The following GORASP1 variants were observed in gnomAD, a reference collection of about 807,000 sequenced individuals.
GORASP1 encodes golgi reassembly stacking protein 1.
A neutral mutation model predicts 37.7 loss-of-function variants in GORASP1; 31 were observed. The ratio of observed to expected loss-of-function variants is 0.82; its 90% confidence interval spans 0.62 to 1.11. The LOEUF is 1.11. Ranked by LOEUF, GORASP1 falls within the 50% of genes least tolerant of loss-of-function variation. The probability of loss-of-function intolerance (pLI) is 0.00; values close to 1 mark genes in which losing one functional copy is unlikely to be tolerated. For synonymous variants in GORASP1, 204 were observed against 224.8 expected (o/e 0.91, Z 0.83); for missense variants, 476 against 560.7 (o/e 0.85, Z 1.53).
At chr3:39,104,167 G>A (rs1371005065) in intron 1 of GORASP1, among the ~76,000 whole-genome samples, 1 of 152,190 alleles carries the variant, frequency 6.6e-6, no homozygotes, top group Non-Finnish European at 1.5e-5. Context: ...GGAGCCCAGT[G>A]AGTGGGCAGT....
chr3:39,107,452 G>A (rs2125719289), intron 1 of GORASP1, 27 bp downstream of exon 1: 1 of 1,315,498 alleles, frequency 7.6e-7, no homozygotes, highest in Non-Finnish European at 9.6e-7. Context: ...CCTCGCCAAG[G>A]TCACCGGCGC....
chr3:39,100,744 T>C lies in GORASP1; in HGVS notation c.566+3A>G, dbSNP rs1382402483. The C allele has an allele frequency of 6.2e-7, 1 of 1,613,294 alleles. No homozygotes were observed. Among genetic ancestry groups the C allele is most frequent in the Non-Finnish European group, 8.5e-7 (1 of 1,179,930 alleles). On this transcript the variant is annotated splice_donor_region_variant and intron_variant, in intron 5 of 8. Coordinates refer to ENST00000319283, the MANE Select transcript of GORASP1 (RefSeq NM_031899.4). The surrounding 1 kb of genome is among the most constrained non-coding windows in gnomAD (Gnocchi z 4.6). ...CCTGCAGCCCTCCAACCCCACGAAG[T>C]ACCTGCCCTCTCCACCCCAGGCTGC...
intron 1 of GORASP1, chr3:39,107,051 G>A (rs1396242790): frequency 6.5e-6 from 3 of 461,130 alleles, no homozygotes; most frequent in African/African-American, 4.0e-5. Context: ...GGTTAACCCC[G>A]GCCCCCGGGA....
chr3:39,105,769 T>A lies in GORASP1; in HGVS notation c.63+1710A>T, dbSNP rs1035055729. On this transcript the variant is annotated intron_variant, in intron 1 of 8. Coordinates refer to ENST00000319283, the MANE Select transcript of GORASP1 (RefSeq NM_031899.4). This position sits in a 1 kb window ranked among gnomAD's most constrained non-coding sequence, Gnocchi z 5.4. ...TTACATCTCAGAATAAAATCTTAAATCTTCAGGACAACAGGCAAGGTCCTA... is the reference window on the plus strand; with the variant it reads ...TTACATCTCAGAATAAAATCTTAAAACTTCAGGACAACAGGCAAGGTCCTA... 1.3e-5 allele frequency among the ~76,000 whole-genome samples: 2 copies of A among 152,266 alleles called. No individual in the cohort carries two copies. The highest frequency in any genetic ancestry group is 3.9e-4 in the East Asian group (2 of 5,174).
Position 39,100,609 on chromosome 3 carries a change from C to A in GORASP1, c.567-106G>T. 1 of 1,478,750 alleles carries A rather than the reference C, an allele frequency of 6.8e-7. No homozygotes were observed. Among genetic ancestry groups the A allele is most frequent in the Non-Finnish European group, 9.1e-7 (1 of 1,097,188 alleles). The allele number at this position is 1,478,750 out of a possible 1,614,324, so 91.6% of individuals were successfully genotyped here. A position where few individuals can be genotyped will look rare whatever the true frequency, so the allele number is the denominator to read the frequency against. On this transcript the variant is annotated intron_variant, in intron 5 of 8. Transcript: ENST00000319283. This position sits in a 1 kb window ranked among gnomAD's most constrained non-coding sequence, Gnocchi z 4.6. ...AATAAGGGGGCTGAAAAGGGTACTT[C>A]TGAAATACCGGTCAGCCTCAGGATC...
intron 7 of GORASP1, 50 bp downstream of exon 7, chr3:39,099,303 A>G (rs993573640): frequency 3.1e-6 from 5 of 1,610,700 alleles, no homozygotes; most frequent in Non-Finnish European, 4.2e-6. Context: ...TAGCTGCCAA[A>G]GTCCAGCCCC....
At chr3:39,101,393 A>G (rs2035702259) in intron 3 of GORASP1, 17 of 572,614 alleles carry the variant, frequency 3.0e-5, no homozygotes, top group South Asian at 2.7e-4. Context: ...GACTATAAAC[A>G]CATTATTGAA....
chr3:39,103,660 C>T lies in GORASP1; in HGVS notation c.64-107G>A, dbSNP rs2035861264. On this transcript the variant is annotated intron_variant, in intron 1 of 8. Coordinates refer to ENST00000319283, the MANE Select transcript of GORASP1 (RefSeq NM_031899.4). This position sits in a 1 kb window ranked among gnomAD's most constrained non-coding sequence, Gnocchi z 5.2. ...AGCACTCCCAGTGTGCCAGCCAGAA[C>T]ACATGTCTGGCATGAACTGTTCCGG... The T allele has an allele frequency of 1.3e-6, 1 of 766,342 alleles. No individual in the cohort carries two copies. The highest frequency in any genetic ancestry group is 2.6e-5 in the Admixed American group (1 of 38,588). The allele number at this position is 766,342 out of a possible 1,614,324, so 47.5% of individuals were successfully genotyped here. A position where few individuals can be genotyped will look rare whatever the true frequency, so the allele number is the denominator to read the frequency against.
chr3:39,099,948 TC>T (rs2125699368), intron 6 of GORASP1, among the ~76,000 whole-genome samples: 1 of 152,298 alleles, frequency 6.6e-6, no homozygotes, highest in East Asian at 1.9e-4. Flanking sequence ...GGCCAGCACT[TC>T]CCTGCAGACT....
In GORASP1 at chr3:39,100,483, T is replaced by C; in HGVS notation, c.587A>G (p.Tyr196Cys). 1.3e-6 allele frequency: 2 copies of C among 1,582,954 alleles called. No homozygotes were observed. Among genetic ancestry groups the C allele is most frequent in the Non-Finnish European group, 8.6e-7 (1 of 1,164,460 alleles). Residue 196 changes from tyrosine (Y) to cysteine (C), a missense_variant, in exon 6 of 9, where the codon TAT becomes TGT. Physicochemically the swap from Tyr to Cys is radical, Grantham distance 194. Coordinates refer to ENST00000319283, the MANE Select transcript of GORASP1 (RefSeq NM_031899.4). The surrounding 1 kb of genome is among the most constrained non-coding windows in gnomAD (Gnocchi z 4.6). ...AGTTGGGATCCGGTGTAGATACCCATAGCCAATGCCACATCCCAGACTGCC... is the reference window on the plus strand; with the variant it reads ...AGTTGGGATCCGGTGTAGATACCCACAGCCAATGCCACATCCCAGACTGCC... Reference protein sequence around the residue: ...GEGSLGCGIGYGYLHRIPTQP... With the variant: ...GEGSLGCGIGCGYLHRIPTQP...
chr3:39,099,168 G>GCTA, intron 7 of GORASP1, 185 bp downstream of exon 7: 3 of 824,200 alleles, frequency 3.6e-6, no homozygotes, highest in Non-Finnish European at 6.1e-6. Context: ...CCTGAAGGAG[G>GCTA]CTACCTCTCT....
rs768277534 is a variant in GORASP1 at position 39,100,373 on chromosome 3, G to A, written c.697C>T (p.Pro233Ser). 37 of 1,614,036 alleles carry A rather than the reference G, an allele frequency of 2.3e-5. No homozygotes were observed. Among genetic ancestry groups the A allele is most frequent in the Non-Finnish European group, 3.1e-5 (37 of 1,180,012 alleles). The stretch of plus-strand genomic sequence containing the variant: ...GAGTCCTCGGGGGTGGGTCCAGGTG[G>A]TAGAGCATCAGGTGGTGGGGCACCA... ...PLGAPPPDAL[P>S]PGPTPEDSPS... The change falls in exon 6 of 9, where the codon CCA becomes TCA. Residue 233 changes from proline to serine, a missense_variant. Pro to Ser is a moderately conservative substitution (Grantham distance 74). Transcript: ENST00000319283. This position sits in a 1 kb window ranked among gnomAD's most constrained non-coding sequence, Gnocchi z 4.6.
intron 1 of GORASP1, chr3:39,107,101 C>T (rs550060212): frequency 1.3e-5 from 6 of 476,918 alleles, no homozygotes; most frequent in South Asian, 9.3e-5. Flanking sequence ...AGGCCCAGCA[C>T]GGAGAGCGGC....
At position 39,098,547 on chromosome 3, in the gene GORASP1, G is replaced by A. The variant is rs1189348704; in HGVS notation, c.1070-58C>T. On this transcript the variant is annotated intron_variant, in intron 8 of 8. Transcript: ENST00000319283. This position sits in a 1 kb window ranked among gnomAD's most constrained non-coding sequence, Gnocchi z 4.7. ...GCAAGAACCTAGGGCCATGGTGTTA[G>A]GGCCAGTAACCCCACCGACCGCTCC... 1.9e-6 allele frequency: 3 copies of A among 1,565,164 alleles called. No individual in the cohort carries two copies. Among genetic ancestry groups the A allele is most frequent in the South Asian group, 2.4e-5 (2 of 82,480 alleles).
rs2035877133 is a variant in GORASP1, at chr3:39,103,901, G to A, written c.64-348C>T. Among the ~76,000 whole-genome samples the A allele has an allele frequency of 6.6e-6, 1 of 152,220 alleles. No individual in the cohort carries two copies. The highest frequency in any genetic ancestry group is 2.4e-5 in the African/African-American group (1 of 41,450). On this transcript the variant is annotated intron_variant, in intron 1 of 8. Transcript: ENST00000319283. This position sits in a 1 kb window ranked among gnomAD's most constrained non-coding sequence, Gnocchi z 5.2. Reference sequence around the variant, plus strand: ...TAGAGGGCTAGGCTAGGGTTGGCCGGAAAGCCAAAAGGGTTTACCAGAAAG... The same window carrying A: ...TAGAGGGCTAGGCTAGGGTTGGCCGAAAAGCCAAAAGGGTTTACCAGAAAG...
In GORASP1 at chr3:39,103,497, G is replaced by C. The variant is rs369193391; in HGVS notation, c.120C>G (p.Ile40Met). Reference protein sequence around the residue: ...QAGLEPYFDFIITIGHSRLNK... With the variant: ...QAGLEPYFDFMITIGHSRLNK... ...CCAGCCTCGAGTGCCCAATGGTGAT[G>C]ATGAAGTCAAAGTAGGGCTCCAGGC... The change falls in exon 2 of 9, where the codon ATC becomes ATG. Residue 40 changes from isoleucine (I) to methionine (M), a missense_variant. Coordinates refer to ENST00000319283, the MANE Select transcript of GORASP1 (RefSeq NM_031899.4). The surrounding 1 kb of genome is among the most constrained non-coding windows in gnomAD (Gnocchi z 5.2). 1.2e-6 allele frequency: 2 copies of C among 1,613,466 alleles called. No individual in the cohort carries two copies. Among genetic ancestry groups the C allele is most frequent in the African/African-American group, 2.7e-5 (2 of 74,938 alleles).
intron 3 of GORASP1, chr3:39,101,505 C>T (rs907258913): frequency 2.2e-6 from 1 of 460,882 alleles, no homozygotes; most frequent in East Asian, 6.8e-5. Context: ...AGAAGAAAAG[C>T]ACACCTTGGC....
intron 6 of GORASP1, among the ~76,000 whole-genome samples, chr3:39,099,804 T>A (rs549596086): frequency 6.6e-6 from 1 of 152,242 alleles, no homozygotes; most frequent in Non-Finnish European, 1.5e-5. Flanking sequence ...CAATGACTCA[T>A]TAGAAGAGAG....
At chr3:39,106,903 T>A (rs1249966151) in intron 1 of GORASP1, 2 of 302,562 alleles carry the variant, frequency 6.6e-6, no homozygotes, top group African/African-American at 4.5e-5. Flanking sequence ...CCTCGAGGAT[T>A]CTGCAGCACT....
Sources: allele counts gnomAD v4.1 joint callset (sites outside exome capture counted in the v4.1 genomes callset), GRCh38; gene constraint gnomAD v4.1.1; non-coding constraint Gnocchi (gnomAD v3.1); transcripts MANE v1.5; gene names NCBI Gene and HGNC (gene_info 2026-07-23, HGNC 2026-07-21).